Variants in PAK3 observed in about 807,000 individuals in gnomAD.
PAK3 encodes the protein serine/threonine-protein kinase PAK 3.
In PAK3, 4 loss-of-function variants were observed where a neutral mutation model predicts 41.0. The observed-to-expected ratio is 0.10, with a 90% CI of 0.05 to 0.22. PAK3 has a LOEUF of 0.22. Among genes scored for constraint, PAK3 ranks in the 10% least tolerant of loss-of-function variants. The probability of loss-of-function intolerance (pLI) is 1.00; values close to 1 mark genes in which losing one functional copy is unlikely to be tolerated. For synonymous variants in PAK3, 146 were observed against 139.6 expected (o/e 1.05, Z -0.32); for missense variants, 205 against 409.9 (o/e 0.50, Z 4.32).
At chrX:111,006,843 TTCTTTC>T (rs1325006963) in intron 1 of PAK3, among the ~76,000 whole-genome samples, 4 of 12,461 alleles carry the variant, frequency 3.2e-4, no homozygotes, top group Admixed American at 1.9e-3. Flanking sequence ...CTTTCTTTCT[TTCTTTC>T]TTTTTTTTTT....
At chrX:111,098,668 G>C (rs2093057059) in intron 3 of PAK3, 1 of 110,497 alleles carries the variant, frequency 9.1e-6, no homozygotes, top group Non-Finnish European at 1.9e-5. Context: ...GGGGAAGGAC[G>C]GTGCCTCAAA....
chrX:111,028,589 T>C (rs2092304216), intron 1 of PAK3, among the ~76,000 whole-genome samples: 1 of 111,809 alleles, frequency 8.9e-6, no homozygotes, highest in African/African-American at 3.3e-5. Flanking sequence ...GAAGCCTGTT[T>C]TGTGGTAGAA....
intron 1 of PAK3, among the ~76,000 whole-genome samples, chrX:110,950,807 T>G (rs957441866): frequency 1.8e-5 from 2 of 111,738 alleles, no homozygotes; most frequent in Non-Finnish European, 3.8e-5. Context: ...AATTTTGTCA[T>G]ATAAATTTAA....
intron 1 of PAK3, among the ~76,000 whole-genome samples, chrX:111,027,169 A>C (rs952060127): frequency 3.6e-5 from 4 of 111,379 alleles, no homozygotes; most frequent in Non-Finnish European, 3.8e-5. Context: ...CTAAAGATGG[A>C]TCAAAGACTT....
chrX:111,125,901 A>T (rs763116243), intron 5 of PAK3, among the ~76,000 whole-genome samples: 6 of 112,055 alleles, frequency 5.4e-5, no homozygotes, highest in African/African-American at 1.9e-4. Flanking sequence ...CAAAGATTGA[A>T]TGATTAAATT....
intron 1 of PAK3, among the ~76,000 whole-genome samples, chrX:110,987,565 T>C (rs1342223266): frequency 4.5e-5 from 5 of 112,165 alleles, no homozygotes; most frequent in Non-Finnish European, 9.4e-5. Flanking sequence ...TTCCCCTCTT[T>C]GGGTCTCTGT....
chrX:111,197,401 C>G (rs1325879600), intron 16 of PAK3, among the ~76,000 whole-genome samples: 3 of 111,780 alleles, frequency 2.7e-5, no homozygotes, highest in Non-Finnish European at 3.8e-5. Context: ...GTGTGTATGT[C>G]TTTATTGAAG....
At chrX:111,030,896 T>A (rs2092332654) in intron 1 of PAK3, among the ~76,000 whole-genome samples, 1 of 111,718 alleles carries the variant, frequency 9.0e-6, no homozygotes, top group Admixed American at 9.6e-5. Context: ...CTGTGAAAGT[T>A]TAAGCTACAT....
chrX:111,056,790 A>G (rs2092608508), intron 1 of PAK3, among the ~76,000 whole-genome samples: 1 of 111,669 alleles, frequency 9.0e-6, no homozygotes. Flanking sequence ...ATGTTTTGCT[A>G]TTACACATAG....
chrX:111,112,177 A>G (rs1310447119), intron 4 of PAK3, among the ~76,000 whole-genome samples: 1 of 111,079 alleles, frequency 9.0e-6, no homozygotes, highest in African/African-American at 3.3e-5. Flanking sequence ...AGGAGTCCAA[A>G]CCTTGTAGAA....
At chrX:111,186,795 T>C (rs1287812415) in intron 11 of PAK3, among the ~76,000 whole-genome samples, 1 of 112,072 alleles carries the variant, frequency 8.9e-6, no homozygotes, top group East Asian at 2.8e-4. Context: ...TTATATTTCA[T>C]ATGGAACCAA....
At position 111,196,688 on chromosome X, in the gene PAK3, G is replaced by A. The variant is rs764171265; in HGVS notation, c.1407+48G>A. 3.2e-6 allele frequency: 3 copies of A among 934,096 alleles called. No individual in the cohort carries two copies. In the African/African-American group the frequency reaches 5.8e-5, roughly 18 times the overall value. The allele number at this position is 934,096 out of a possible 1,213,427, so 77.0% of individuals were successfully genotyped here. A position where few individuals can be genotyped will look rare whatever the true frequency, so the allele number is the denominator to read the frequency against. On this transcript the variant is annotated intron_variant, in intron 16 of 17. Transcript: ENST00000372007. ...TACTTTATTCCCAGGAAAGAGGAAA[G>A]GCCAAATATCATTTCTGGCTTCCAC...
At chrX:111,066,140 G>A (rs779488293) in intron 1 of PAK3, among the ~76,000 whole-genome samples, 144 of 111,625 alleles carry the variant, frequency 1.3e-3, no homozygotes, top group African/African-American at 4.4e-3. Flanking sequence ...TAGGTGTGAT[G>A]TCAGATCAGT....
At chrX:111,196,005 T>C in intron 15 of PAK3, 64 bp downstream of exon 15, 1 of 674,446 alleles carries the variant, frequency 1.5e-6, no homozygotes, top group African/African-American at 2.1e-5. Context: ...ATTGTATATC[T>C]TAAGAAGATA....
chrX:111,023,038 C>T (rs974236968), intron 1 of PAK3, among the ~76,000 whole-genome samples: 3 of 110,581 alleles, frequency 2.7e-5, no homozygotes, highest in African/African-American at 9.9e-5. Flanking sequence ...CTATCCCTCC[C>T]CCAGGCCCCC....
chrX:111,138,047 C>CTT (rs36088513), intron 5 of PAK3, among the ~76,000 whole-genome samples: 1 of 99,737 alleles, frequency 1.0e-5, no homozygotes. Context: ...GAGCTCAAAT[C>CTT]TTTTTTTTTT....
chrX:110,980,544 T>C (rs774236582), intron 1 of PAK3, among the ~76,000 whole-genome samples: 1 of 111,191 alleles, frequency 9.0e-6, no homozygotes, highest in East Asian at 2.9e-4. Context: ...GGGATAACTT[T>C]CCCCTTGGCC....
At chrX:111,034,751 A>T (rs1449844191) in intron 1 of PAK3, among the ~76,000 whole-genome samples, 2 of 111,182 alleles carry the variant, frequency 1.8e-5, no homozygotes, top group African/African-American at 6.6e-5. Context: ...CTCTGCTGAT[A>T]ACTATATGAC....
chrX:111,027,874 T>C (rs1007246893), intron 1 of PAK3, among the ~76,000 whole-genome samples: 1 of 109,305 alleles, frequency 9.1e-6, no homozygotes, highest in African/African-American at 3.3e-5. Context: ...ATACACATGT[T>C]TATAGCAGCA....
Sources: gnomAD v4.1 joint callset for allele counts (sites outside exome capture counted in the v4.1 genomes callset) on GRCh38, gnomAD v4.1.1 for gene constraint, MANE v1.5 for transcripts, NCBI Gene and HGNC (gene_info 2026-07-23, HGNC 2026-07-21) for gene names.